Variants in DGKB observed in about 807,000 individuals in gnomAD.
DGKB encodes the protein diacylglycerol kinase beta.
In DGKB, 67 loss-of-function variants were observed where a neutral mutation model predicts 114.3. The observed-to-expected ratio is 0.59, with a 90% confidence interval of 0.48 to 0.72. The LOEUF (loss-of-function observed/expected upper bound fraction) is 0.72. Ranked by LOEUF, DGKB falls within the 30% of genes least tolerant of loss-of-function variation. DGKB has a pLI of 0.00. For synonymous variants in DGKB, 398 were observed against 323.1 expected, an observed-to-expected ratio of 1.23 and a Z score of -2.49; for missense variants, 907 against 975.2, an observed-to-expected ratio of 0.93 and a Z score of 0.93.
chr7:14,766,840 C>T (rs1254312053), intron 2 of DGKB, among the ~76,000 whole-genome samples: 1 of 151,562 alleles, frequency 6.6e-6, no homozygotes, highest in African/African-American at 2.4e-5. Flanking sequence ...GCAAGAATAC[C>T]AGGAAAAATA....
intron 1 of DGKB, among the ~76,000 whole-genome samples, chr7:14,843,114 A>T (rs1409874216): frequency 6.6e-6 from 1 of 150,838 alleles, no homozygotes; most frequent in Non-Finnish European, 1.5e-5. Flanking sequence ...ATAGTGGGGG[A>T]GCTGAGGTGG....
intron 1 of DGKB, among the ~76,000 whole-genome samples, chr7:14,880,322 G>T (rs886537589): frequency 6.6e-6 from 1 of 152,162 alleles, no homozygotes; most frequent in Non-Finnish European, 1.5e-5. Flanking sequence ...GCCAGGTATG[G>T]TGGCATACAC....
intron 20 of DGKB, among the ~76,000 whole-genome samples, chr7:14,560,732 T>G (rs970470330): frequency 6.6e-5 from 10 of 152,158 alleles, no homozygotes; most frequent in African/African-American, 2.4e-4. Flanking sequence ...AGGAGTGGAA[T>G]TGCTGAATTA....
chr7:14,587,232 G>T (rs1387567758), intron 17 of DGKB, among the ~76,000 whole-genome samples: 3 of 152,050 alleles, frequency 2.0e-5, no homozygotes, highest in Admixed American at 2.0e-4. Flanking sequence ...TGACTTTAAA[G>T]GGTTCAAGAC....
chr7:14,254,192 A>C (rs983202304), intron 23 of DGKB, among the ~76,000 whole-genome samples: 1 of 152,196 alleles, frequency 6.6e-6, no homozygotes, highest in Non-Finnish European at 1.5e-5. Context: ...CCAAGATTTG[A>C]GTTGAAAGCA....
At chr7:14,380,136 A>C (rs1275379631) in intron 21 of DGKB, among the ~76,000 whole-genome samples, 2 of 152,156 alleles carry the variant, frequency 1.3e-5, no homozygotes, top group Non-Finnish European at 2.9e-5. Context: ...AACTGGCAGA[A>C]ATTTGTCTTC....
chr7:14,623,493 C>A (rs1378768309), intron 14 of DGKB, among the ~76,000 whole-genome samples: 3 of 151,988 alleles, frequency 2.0e-5, no homozygotes, highest in African/African-American at 7.2e-5. Flanking sequence ...GAATTTATTC[C>A]TAGAAAGACA....
At chr7:14,402,314 C>T (rs192982489) in intron 21 of DGKB, among the ~76,000 whole-genome samples, 1 of 151,774 alleles carries the variant, frequency 6.6e-6, no homozygotes, top group Admixed American at 6.6e-5. Context: ...CAGAATAATT[C>T]TAATTTAATG....
chr7:14,298,527 C>T (rs1157114130), intron 23 of DGKB, among the ~76,000 whole-genome samples: 1 of 152,108 alleles, frequency 6.6e-6, no homozygotes, highest in Non-Finnish European at 1.5e-5. Context: ...AACTGGACCC[C>T]TTCTTTACAC....
intron 6 of DGKB, among the ~76,000 whole-genome samples, chr7:14,716,789 C>G (rs1013794720): frequency 6.6e-6 from 1 of 152,022 alleles, no homozygotes; most frequent in African/African-American, 2.4e-5. Context: ...TCGGATGATT[C>G]TGATGTATAG....
intron 2 of DGKB, among the ~76,000 whole-genome samples, chr7:14,833,561 T>C (rs1452039465): frequency 6.6e-6 from 1 of 152,164 alleles, no homozygotes; most frequent in Non-Finnish European, 1.5e-5. Context: ...AGGAGTGTAT[T>C]CATTTCATTG....
chr7:14,796,088 C>T (rs1841367745), intron 2 of DGKB, among the ~76,000 whole-genome samples: 1 of 152,044 alleles, frequency 6.6e-6, no homozygotes, highest in African/African-American at 2.4e-5. Flanking sequence ...TATGGTAAAG[C>T]TTGGGTGGAA....
chr7:14,662,111 C>G (rs770877478), intron 13 of DGKB, among the ~76,000 whole-genome samples: 13 of 151,718 alleles, frequency 8.6e-5, no homozygotes, highest in East Asian at 5.8e-4. Flanking sequence ...TGCTAGATGA[C>G]GAGTTAGTGG....
chr7:14,797,650 T>A (rs1050725262), intron 2 of DGKB, among the ~76,000 whole-genome samples: 6 of 152,124 alleles, frequency 3.9e-5, no homozygotes, highest in African/African-American at 7.2e-5. Context: ...ATTTATTTTT[T>A]TTTTTTCCTG....
At chr7:14,542,233 G>T (rs1793582177) in intron 20 of DGKB, among the ~76,000 whole-genome samples, 1 of 151,938 alleles carries the variant, frequency 6.6e-6, no homozygotes, top group African/African-American at 2.4e-5. Flanking sequence ...TGCCCAGGCT[G>T]GTCTCAAACT....
chr7:14,770,131 A>C (rs150316024), intron 2 of DGKB, among the ~76,000 whole-genome samples: 30 of 152,176 alleles, frequency 2.0e-4, no homozygotes, highest in East Asian at 1.2e-3. Flanking sequence ...GGAATTTTGT[A>C]AAATTGTTAT....
intron 18 of DGKB, among the ~76,000 whole-genome samples, chr7:14,581,751 A>G (rs1454281233): frequency 6.6e-6 from 1 of 152,172 alleles, no homozygotes; most frequent in Non-Finnish European, 1.5e-5. Flanking sequence ...AAATGTCACA[A>G]TGAAATAGCC....
At chr7:14,769,274 GAAAGAA>G (rs1450406071) in intron 2 of DGKB, among the ~76,000 whole-genome samples, 1 of 75,582 alleles carries the variant, frequency 1.3e-5, no homozygotes, top group Non-Finnish European at 2.2e-5. Context: ...AAGAAAGAAA[GAAAGAA>G]AGATTTTGTA....
chr7:14,971,668 G>T (rs1032606248), intron 1 of DGKB, among the ~76,000 whole-genome samples: 1 of 151,454 alleles, frequency 6.6e-6, no homozygotes, highest in Non-Finnish European at 1.5e-5. Flanking sequence ...CAACACTGTG[G>T]AAAAATTCCT....
Sources: gnomAD v4.1 joint callset for allele counts (sites outside exome capture counted in the v4.1 genomes callset) on GRCh38, gnomAD v4.1.1 for gene constraint, MANE v1.5 for transcripts, NCBI Gene and HGNC (gene_info 2026-07-23, HGNC 2026-07-21) for gene names.